The following METTL23 variants were observed in gnomAD, a reference collection of about 807,000 sequenced individuals.
METTL23 encodes methyltransferase 23, arginine, also known as histone-arginine methyltransferase METTL23.
METTL23 carries 24 observed loss-of-function variants against 21.2 expected under a neutral mutation model. That is an observed-to-expected ratio of 1.13 (90% CI 0.82 to 1.59). The LOEUF is 1.59. Ranked by LOEUF, METTL23 falls within the 40% of genes most tolerant of loss-of-function variation. The probability of loss-of-function intolerance (pLI) is 0.00; values close to 1 mark genes in which losing one functional copy is unlikely to be tolerated. For missense variants in METTL23, 276 were observed against 221.4 expected, an observed-to-expected ratio of 1.25 and a Z score of -1.57; for synonymous variants, 97 against 75.2, an observed-to-expected ratio of 1.29 and a Z score of -1.50.
At chr17:76,726,698 G>C (rs1425879131), upstream of METTL23, 1 of 591,848 alleles carries the variant, frequency 1.7e-6, no homozygotes, top group Non-Finnish European at 2.9e-6. Flanking sequence ...GACGCCTCTC[G>C]CGGTTTTCCA....
In METTL23 at chr17:76,733,721, T is replaced by C; in HGVS notation, c.*35T>C. 6.4e-7 allele frequency: 1 copy of C among 1,571,720 alleles called. No homozygotes were observed. The highest frequency in any genetic ancestry group is 8.6e-7 in the Non-Finnish European group (1 of 1,157,250). ...ACAACCTGTTCTGGGACAGTATCAA[T>C]ACTGATGAGCAACCTGGCACACAAA... is the stretch of plus-strand genomic sequence containing the variant. On this transcript the variant is annotated 3_prime_UTR_variant, in exon 5 of 5. Coordinates refer to ENST00000341249, the MANE Select transcript of METTL23 (RefSeq NM_001080510.5).
intron 2 of METTL23, 59 bp from the exon 3 acceptor site, chr17:76,732,919 T>G: frequency 7.4e-7 from 1 of 1,348,862 alleles, no homozygotes; most frequent in Non-Finnish European, 1.0e-6. Context: ...GTACTAAGAT[T>G]CCCAATTATT....
upstream of METTL23, chr17:76,726,504 C>A (rs1309763245): frequency 1.3e-6 from 2 of 1,578,676 alleles, no homozygotes; most frequent in Non-Finnish European, 1.7e-6. Context: ...GGTTCCGCTA[C>A]GACCTCGGCG....
chr17:76,726,276 G>A (rs999525654), upstream of METTL23: 7 of 1,494,922 alleles, frequency 4.7e-6, no homozygotes, highest in Admixed American at 2.3e-5. Context: ...GCAGCCTCGG[G>A]CCCAGAGAAA....
intron 1 of METTL23, 119 bp from the exon 2 acceptor site, chr17:76,729,571 T>C (rs952369404): frequency 6.1e-6 from 4 of 658,896 alleles, no homozygotes; most frequent in Admixed American, 5.0e-5. Context: ...AGGTCGTGGA[T>C]TGGTGAACAG....
rs578039502 is a variant in METTL23 at position 76,732,861 on chromosome 17, A to G, written c.85-117A>G. 1.3e-4 allele frequency: 108 copies of G among 820,892 alleles called. No individual in the cohort carries two copies. The Middle Eastern group carries it at 1.4e-3, about 10-fold the overall frequency. The allele number at this position is 820,892 out of a possible 1,614,324, so 50.9% of individuals were successfully genotyped here. On this transcript the variant is annotated intron_variant, in intron 2 of 4. Transcript: ENST00000341249. ...TACGGTACATTTTATACAAACCCAG[A>G]AAGACTGACTCTATGCTTATTTAAA...
At chr17:76,729,616 C>A in intron 1 of METTL23, 74 bp from the exon 2 acceptor site, 3 of 1,026,690 alleles carry the variant, frequency 2.9e-6, no homozygotes, top group Non-Finnish European at 4.4e-6. Context: ...CAATGCCTGA[C>A]AGAAATTGCT....
intron 1 of METTL23, among the ~76,000 whole-genome samples, chr17:76,729,365 G>A (rs913393145): frequency 6.6e-6 from 1 of 152,110 alleles, no homozygotes. Context: ...ACAGGCCTGA[G>A]TCACCGTGCC....
intron 2 of METTL23, among the ~76,000 whole-genome samples, chr17:76,732,378 G>A (rs1033896992): frequency 6.6e-6 from 1 of 152,116 alleles, no homozygotes; most frequent in African/African-American, 2.4e-5. Flanking sequence ...GTGCACGCCT[G>A]TAATCCCAGC....
At chr17:76,728,306 T>TTGTTTTTGACCCGGAC (rs1568008350) in intron 1 of METTL23, among the ~76,000 whole-genome samples, 1 of 151,268 alleles carries the variant, frequency 6.6e-6, no homozygotes, top group African/African-American at 2.5e-5. Flanking sequence ...CACTTTTTTT[T>TTGTTTTTGACCCGGAC]GCTAACTGCA....
chr17:76,732,852 C>G, intron 2 of METTL23, 126 bp from the exon 3 acceptor site: 1 of 762,996 alleles, frequency 1.3e-6, no homozygotes, highest in Non-Finnish European at 2.1e-6. Flanking sequence ...ACATTTTATA[C>G]AAACCCAGAA....
intron 2 of METTL23, among the ~76,000 whole-genome samples, chr17:76,731,166 T>G (rs747830869): frequency 6.6e-6 from 1 of 150,786 alleles, no homozygotes; most frequent in Non-Finnish European, 1.5e-5. Flanking sequence ...TCCCAGCTAC[T>G]CAGGAGGCTG....
chr17:76,733,513 T>TA lies in METTL23; in HGVS notation c.408-8_408-7insA. ...ATGACTTTAAAAGAACAACTTTTTT[T>TA]TTTTAAGTGCTGACTGGTCACTTGA... is the stretch of plus-strand genomic sequence containing the variant. On this transcript the variant is annotated splice_polypyrimidine_tract_variant and splice_region_variant and intron_variant, in intron 4 of 4. Coordinates refer to ENST00000341249, the MANE Select transcript of METTL23 (RefSeq NM_001080510.5). 3.1e-6 allele frequency: 5 copies of TA among 1,598,154 alleles called. No individual in the cohort carries two copies. The highest frequency in any genetic ancestry group is 4.3e-6 in the Non-Finnish European group (5 of 1,174,856).
chr17:76,733,799 G>C lies in METTL23; in HGVS notation c.*113G>C. 1.1e-6 allele frequency: 1 copy of C among 913,948 alleles called. No homozygotes were observed. Among genetic ancestry groups the C allele is most frequent in the Non-Finnish European group, 1.6e-6 (1 of 626,670 alleles). The allele number at this position is 913,948 out of a possible 1,614,324, so 56.6% of individuals were successfully genotyped here. ...ATGCAGTGGGTCTGAAGATGGTCAA[G>C]TCTGTTTGCCTTAGATTTTGATGTC... On this transcript the variant is annotated 3_prime_UTR_variant, in exon 5 of 5. Coordinates refer to ENST00000341249, the MANE Select transcript of METTL23 (RefSeq NM_001080510.5).
chr17:76,730,915 A>G (rs2077177578), intron 2 of METTL23, among the ~76,000 whole-genome samples: 1 of 152,170 alleles, frequency 6.6e-6, no homozygotes, highest in Non-Finnish European at 1.5e-5. Context: ...CATCCTGGCT[A>G]ACACGGTGAA....
In METTL23 at chr17:76,733,125, G is replaced by A. The variant is rs763554577; in HGVS notation, c.232G>A (p.Gly78Arg). 6.2e-7 allele frequency: 1 copy of A among 1,613,602 alleles called. No individual in the cohort carries two copies. Among genetic ancestry groups the A allele is most frequent in the Admixed American group, 1.7e-5 (1 of 59,960 alleles). The change falls in exon 3 of 5, where the codon GGA (glycine) becomes AGA (arginine). Residue 78 changes from glycine (G) to arginine (R), a missense_variant. Transcript: ENST00000341249. ...MNNLPHLQVV[G>R]LTWGHISWDL... Reference sequence around the variant, plus strand: ...TAACCTGCCACATCTGCAGGTGGTAGGACTAACATGGGGTCATATATCTTG... The same window carrying A: ...TAACCTGCCACATCTGCAGGTGGTAAGACTAACATGGGGTCATATATCTTG...
chr17:76,733,239 A>AC, intron 3 of METTL23, 24 bp downstream of exon 3: 1 of 1,611,512 alleles, frequency 6.2e-7, no homozygotes. Context: ...GCTCAATAGT[A>AC]CATTTGGCCA....
chr17:76,727,800 A>C (rs974296569), intron 1 of METTL23, among the ~76,000 whole-genome samples: 1 of 152,106 alleles, frequency 6.6e-6, no homozygotes, highest in African/African-American at 2.4e-5. Context: ...GCGCGATCAC[A>C]GCTCACTGCA....
intron 2 of METTL23, 153 bp from the exon 3 acceptor site, chr17:76,732,823 AGT>A (rs1598412751): frequency 6.2e-6 from 4 of 645,602 alleles, no homozygotes; most frequent in South Asian, 1.9e-5. Flanking sequence ...TCATGTTTAT[AGT>A]AATGTTCAGT....
Sources: allele counts gnomAD v4.1 joint callset (sites outside exome capture counted in the v4.1 genomes callset), GRCh38; gene constraint gnomAD v4.1.1; transcripts MANE v1.5; gene names NCBI Gene and HGNC (gene_info 2026-07-23, HGNC 2026-07-21).